Variants in MIR2052HG observed in about 807,000 individuals in gnomAD.
MIR2052HG encodes MIR2052 host gene.
intron 1 of MIR2052HG, among the ~76,000 whole-genome samples, chr8:74,610,888 C>T (rs10957732): frequency 0.72 from 109,882 of 151,908 alleles, 40,385 homozygotes; most frequent in African/African-American, 0.87. Flanking sequence ...GCTAAAAATA[C>T]ACAATCTCTA....
Position 74,636,723 on chromosome 8 carries a change from G to A in MIR2052HG, n.216+23783G>A, listed in dbSNP as rs148646799. On this transcript the variant is annotated intron_variant and non_coding_transcript_variant, in intron 2 of 6. Transcript: ENST00000523442. ...CCCAGACCACATTGGCACACTGAGA[G>A]CAGCACATTAAATGCCTCTCCCTGA... 6.8e-4 allele frequency among the ~76,000 whole-genome samples: 103 copies of A among 152,220 alleles called. No homozygotes were observed. In the Middle Eastern group the frequency reaches 0.014, roughly 20 times the overall value.
intron 2 of MIR2052HG, among the ~76,000 whole-genome samples, chr8:74,646,927 C>CAAATAAATAAATAAATAAAT (rs55655738): frequency 4.6e-5 from 7 of 151,108 alleles, no homozygotes; most frequent in Non-Finnish European, 1.5e-5. Flanking sequence ...AACCCTGTCT[C>CAAATAAATAAATAAATAAAT]AAATAAATAA....
chr8:74,739,146 ATGT>A (rs1476041264), intron 4 of MIR2052HG, among the ~76,000 whole-genome samples: 1 of 152,194 alleles, frequency 6.6e-6, no homozygotes, highest in Non-Finnish European at 1.5e-5. Context: ...TAAGCAATCG[ATGT>A]TGTGCTTGAC....
chr8:74,629,011 C>G (rs915653000), intron 2 of MIR2052HG: 3 of 152,042 alleles, frequency 2.0e-5, no homozygotes, highest in Non-Finnish European at 4.4e-5. Context: ...AAAGGAAAAT[C>G]CCCCTCCAGT....
intron 2 of MIR2052HG, among the ~76,000 whole-genome samples, chr8:74,667,075 GAGGGATAAATCACC>G (rs1808937203): frequency 6.6e-6 from 1 of 152,208 alleles, no homozygotes; most frequent in Non-Finnish European, 1.5e-5. Context: ...GCTCATGCAA[GAGGGATAAATCACC>G]AGGTGTTCTT....
At chr8:74,756,558 T>C (rs1308642215) in intron 5 of MIR2052HG, 1 of 152,246 alleles carries the variant, frequency 6.6e-6, no homozygotes, top group East Asian at 1.9e-4. Context: ...TCCCTACTTT[T>C]TAACATGAGA....
intron 2 of MIR2052HG, among the ~76,000 whole-genome samples, chr8:74,676,860 A>C (rs1417523254): frequency 6.6e-6 from 1 of 151,982 alleles, no homozygotes; most frequent in Admixed American, 6.6e-5. Context: ...AATTAGCTGG[A>C]TTGTGGTAAT....
intron 4 of MIR2052HG, among the ~76,000 whole-genome samples, chr8:74,733,276 C>T (rs1809713716): frequency 6.6e-6 from 1 of 152,000 alleles, no homozygotes; most frequent in East Asian, 1.9e-4. Context: ...GTTCCCCTTC[C>T]TGTGTCCATG....
At chr8:74,716,584 C>G (rs904848886) in intron 4 of MIR2052HG, among the ~76,000 whole-genome samples, 4 of 152,028 alleles carry the variant, frequency 2.6e-5, no homozygotes, top group Admixed American at 2.0e-4. Flanking sequence ...GTGGTGCGCA[C>G]CTGTAATCCC....
intron 2 of MIR2052HG, among the ~76,000 whole-genome samples, chr8:74,646,919 C>G (rs1808694493): frequency 6.8e-6 from 1 of 146,584 alleles, no homozygotes; most frequent in Admixed American, 6.7e-5. Flanking sequence ...CAGAGTGAAA[C>G]CCTGTCTCAA....
intron 2 of MIR2052HG, among the ~76,000 whole-genome samples, chr8:74,690,951 T>TTA (rs1809233784): frequency 1.3e-5 from 2 of 152,168 alleles, no homozygotes; most frequent in Non-Finnish European, 2.9e-5. Flanking sequence ...ATGTATGACG[T>TTA]TTATTCACTG....
intron 4 of MIR2052HG, among the ~76,000 whole-genome samples, chr8:74,748,641 G>A (rs909413999): frequency 6.6e-6 from 1 of 152,190 alleles, no homozygotes; most frequent in Non-Finnish European, 1.5e-5. Context: ...TTATGAACAA[G>A]TGACAACATA....
intron 2 of MIR2052HG, among the ~76,000 whole-genome samples, chr8:74,614,146 C>T (rs558211549): frequency 1.1e-4 from 17 of 152,280 alleles, no homozygotes; most frequent in Admixed American, 1.1e-3. Flanking sequence ...TCTCCTTTGG[C>T]TTGGAAACAG....
At chr8:74,623,904 A>G (rs1808401091) in intron 2 of MIR2052HG, among the ~76,000 whole-genome samples, 1 of 152,192 alleles carries the variant, frequency 6.6e-6, no homozygotes, top group Non-Finnish European at 1.5e-5. Context: ...CAGGGTGAAC[A>G]AAGTTAAAAA....
intron 2 of MIR2052HG, among the ~76,000 whole-genome samples, chr8:74,697,021 A>G (rs1281447508): frequency 6.6e-6 from 1 of 152,070 alleles, no homozygotes; most frequent in South Asian, 2.1e-4. Context: ...AAAGGACATA[A>G]CAGAAAAGAA....
chr8:74,657,754 A>G (rs1720750549), intron 2 of MIR2052HG, among the ~76,000 whole-genome samples: 1 of 152,162 alleles, frequency 6.6e-6, no homozygotes, highest in Admixed American at 6.5e-5. Flanking sequence ...CTATCATGAG[A>G]ACAGCAAGAG....
chr8:74,757,505 T>C (rs181635757), intron 5 of MIR2052HG: 3 of 152,262 alleles, frequency 2.0e-5, no homozygotes, highest in Non-Finnish European at 4.4e-5. Context: ...AGATTATGAA[T>C]GTCTTGCATG....
At chr8:74,651,292 ATTCTC>A (rs1326566776) in intron 2 of MIR2052HG, among the ~76,000 whole-genome samples, 17 of 152,094 alleles carry the variant, frequency 1.1e-4, no homozygotes, top group African/African-American at 3.9e-4. Context: ...AAAAACCTCT[ATTCTC>A]TTTAAGAATA....
At chr8:74,726,172 G>A (rs986852528) in intron 4 of MIR2052HG, among the ~76,000 whole-genome samples, 1 of 152,130 alleles carries the variant, frequency 6.6e-6, no homozygotes, top group African/African-American at 2.4e-5. Context: ...CAGCCTGGGC[G>A]ACAGGGTGAG....
Sources: gnomAD v4.1 joint callset for allele counts (sites outside exome capture counted in the v4.1 genomes callset) on GRCh38, gnomAD v4.1.1 for gene constraint, MANE v1.5 for transcripts, NCBI Gene and HGNC (gene_info 2026-07-23, HGNC 2026-07-21) for gene names.